NOX3: variants seen among roughly 807,000 people sequenced by gnomAD.
NOX3 encodes NADPH oxidase 3, also known as NADPH oxidase catalytic subunit-like 3.
In NOX3, 74 loss-of-function variants were observed where a neutral mutation model predicts 76.7. The observed-to-expected ratio is 0.96, with a 90% CI of 0.80 to 1.17. The LOEUF is 1.17. Ranked by LOEUF, NOX3 falls within the 50% of genes most tolerant of loss-of-function variation. NOX3 has a pLI of 0.00. For synonymous variants in NOX3, 263 were observed against 261.1 expected (o/e 1.01, Z -0.07); for missense variants, 695 against 703.3 (o/e 0.99, Z 0.13).
chr6:155,448,010 GTGATATGGTTTGATTTC>G (rs1355628693), intron 4 of NOX3, among the ~76,000 whole-genome samples: 4 of 152,212 alleles, frequency 2.6e-5, no homozygotes, highest in Admixed American at 2.6e-4. Flanking sequence ...GGATAAAACA[GTGATATGGTTTGATTTC>G]TCCCTCCCTT....
Position 155,396,925 on chromosome 6 carries a change from G to A in NOX3, c.1618C>T (p.Leu540Phe). 6.2e-7 allele frequency: 1 copy of A among 1,613,278 alleles called. No individual in the cohort carries two copies. Residue 540 changes from leucine to phenylalanine, a missense_variant, in exon 13 of 14, where the codon CTC becomes TTC. Transcript: ENST00000159060. The part of the protein sequence containing the change: ...IGVFFCGPKA[L>F]SRTLQKMCHL... ...CACATCTTTTGAAGTGTCCTCGAGA[G>A]AGCTTTAGGTCCACAGAAGAACACG...
intron 11 of NOX3, among the ~76,000 whole-genome samples, chr6:155,409,341 A>G (rs1250343984): frequency 6.6e-6 from 1 of 152,164 alleles, no homozygotes; most frequent in Non-Finnish European, 1.5e-5. Flanking sequence ...CTGGTGCCAG[A>G]GGAAACCGAT....
intron 11 of NOX3, among the ~76,000 whole-genome samples, chr6:155,410,816 T>A (rs1776536431): frequency 6.6e-6 from 1 of 152,234 alleles, no homozygotes. Flanking sequence ...CACCTAGGAA[T>A]CTTTTTTGCT....
chr6:155,398,950 C>T (rs1582923071), intron 12 of NOX3, among the ~76,000 whole-genome samples: 1 of 152,208 alleles, frequency 6.6e-6, no homozygotes, highest in East Asian at 1.9e-4. Context: ...ATATTATTTT[C>T]CCACGCGATG....
intron 9 of NOX3, among the ~76,000 whole-genome samples, chr6:155,424,415 A>G (rs149790061): frequency 6.6e-6 from 1 of 152,380 alleles, no homozygotes; most frequent in East Asian, 1.9e-4. Context: ...AGCAGAATGT[A>G]TTAAATAACC....
chr6:155,409,036 C>G (rs765198891), intron 11 of NOX3, among the ~76,000 whole-genome samples: 1 of 152,028 alleles, frequency 6.6e-6, no homozygotes, highest in Admixed American at 6.5e-5. Context: ...GGTAACCCCA[C>G]CAGTATGCGC....
intron 4 of NOX3, among the ~76,000 whole-genome samples, chr6:155,453,183 C>A (rs949427453): frequency 2.0e-5 from 3 of 151,974 alleles, no homozygotes; most frequent in Admixed American, 2.0e-4. Flanking sequence ...GAAGTTTCAC[C>A]AACTTTTCTT....
chr6:155,407,155 T>G lies in NOX3; in HGVS notation c.1555A>C (p.Lys519Gln). The change falls in exon 12 of 14, where the codon AAG (lysine) becomes CAG (glutamine). Residue 519 changes from lysine to glutamine, a missense_variant. By Grantham distance (53) the Lys-to-Gln change is moderately conservative (BLOSUM62 1). Transcript: ENST00000159060. ...YGRPNWNNEFKQIAYNHPSSS... is the reference protein window; with the variant it reads ...YGRPNWNNEFQQIAYNHPSSS... ...CTGGGGTGATTGTAGGCAATCTGCT[T>G]GAACTCATTGTTCCAGTTGGGCCTC... The G allele has an allele frequency of 6.2e-7, 1 of 1,614,146 alleles. No homozygotes were observed. The highest frequency in any genetic ancestry group is 8.5e-7 in the Non-Finnish European group (1 of 1,180,000).
intron 7 of NOX3, among the ~76,000 whole-genome samples, chr6:155,433,615 G>T (rs982696132): frequency 6.6e-6 from 1 of 151,208 alleles, no homozygotes; most frequent in Non-Finnish European, 1.5e-5. Flanking sequence ...ACAGAGATAA[G>T]TAGAACGTTG....
intron 10 of NOX3, among the ~76,000 whole-genome samples, chr6:155,412,152 C>A (rs1455013783): frequency 6.6e-6 from 1 of 152,048 alleles, no homozygotes; most frequent in East Asian, 1.9e-4. Context: ...GCTGCCCACA[C>A]CTCTCTCTCT....
intron 9 of NOX3, among the ~76,000 whole-genome samples, chr6:155,425,701 C>A (rs1333995448): frequency 1.3e-5 from 2 of 152,162 alleles, no homozygotes; most frequent in Non-Finnish European, 2.9e-5. Context: ...CTTCATTGTA[C>A]AGATGAGGAA....
intron 5 of NOX3, among the ~76,000 whole-genome samples, chr6:155,442,079 A>G (rs1776997536): frequency 6.6e-6 from 1 of 152,168 alleles, no homozygotes; most frequent in African/African-American, 2.4e-5. Context: ...CCTGGCTAAC[A>G]CAGTGAAACC....
rs368671091 is a variant in NOX3 at position 155,406,042 on chromosome 6, G to C, written c.1580+1088C>G. Among the ~76,000 whole-genome samples, 574 of 152,244 alleles carry C rather than the reference G, an allele frequency of 3.8e-3. 2 individuals carry two copies. Among genetic ancestry groups the C allele is most frequent in the African/African-American group, 0.013 (541 of 41,520 alleles). ...CCAGGAATGATGTCTCCTGCCTCAG[G>C]GCCTTGGCACATGCTCCAGTTGCCC... On this transcript the variant is annotated intron_variant, in intron 12 of 13. Coordinates refer to ENST00000159060, the MANE Select transcript of NOX3 (RefSeq NM_015718.3).
intron 9 of NOX3, among the ~76,000 whole-genome samples, chr6:155,424,386 T>C (rs1776730068): frequency 6.6e-6 from 1 of 152,228 alleles, no homozygotes; most frequent in Non-Finnish European, 1.5e-5. Flanking sequence ...GTAAAGGGAA[T>C]GTTTAAAATA....
At chr6:155,453,945 A>G (rs1777178591) in intron 3 of NOX3, among the ~76,000 whole-genome samples, 1 of 152,208 alleles carries the variant, frequency 6.6e-6, no homozygotes, top group Non-Finnish European at 1.5e-5. Flanking sequence ...GACCACTGCA[A>G]TAAAGCAAAT....
chr6:155,442,455 G>A (rs1777006317), intron 5 of NOX3, among the ~76,000 whole-genome samples: 1 of 152,116 alleles, frequency 6.6e-6, no homozygotes, highest in Non-Finnish European at 1.5e-5. Flanking sequence ...TAAAGAGATG[G>A]CCTGGATAAG....
In NOX3 at chr6:155,443,239, C is replaced by T. The variant is rs1222531060; in HGVS notation, c.486+34G>A. ...GAGGACTGGAAAAGGACGGATTTTT[C>T]AGGGGAGAAGCTTGTTAGCATGCAG... On this transcript the variant is annotated intron_variant, in intron 5 of 13. Coordinates refer to ENST00000159060, the MANE Select transcript of NOX3 (RefSeq NM_015718.3). The T allele has an allele frequency of 9.4e-6, 15 of 1,588,602 alleles. No individual in the cohort carries two copies. In the Admixed American group the frequency reaches 2.1e-4, roughly 22 times the overall value.
intron 9 of NOX3, among the ~76,000 whole-genome samples, chr6:155,424,969 A>G (rs909995739): frequency 1.3e-5 from 2 of 152,248 alleles, no homozygotes; most frequent in Non-Finnish European, 2.9e-5. Flanking sequence ...TTTAGAATTG[A>G]AACTCAAAGC....
chr6:155,405,042 C>T (rs1422126704), intron 12 of NOX3, among the ~76,000 whole-genome samples: 1 of 151,556 alleles, frequency 6.6e-6, no homozygotes, highest in Non-Finnish European at 1.5e-5. Flanking sequence ...CCAAAATGAC[C>T]ATAAGATAAA....
Sources: gnomAD v4.1 joint callset for allele counts (sites outside exome capture counted in the v4.1 genomes callset) on GRCh38, gnomAD v4.1.1 for gene constraint, MANE v1.5 for transcripts, NCBI Gene and HGNC (gene_info 2026-07-23, HGNC 2026-07-21) for gene names.